The following SYNE2 variants were observed in gnomAD, a reference collection of about 807,000 sequenced individuals.
The protein encoded by SYNE2 is nesprin-2.
A neutral mutation model predicts 856.3 loss-of-function variants in SYNE2; 431 were observed. The observed-to-expected ratio is 0.50, with a 90% confidence interval of 0.47 to 0.55. The LOEUF is 0.55. SYNE2 is among the 20% of genes least tolerant of loss of function. SYNE2 has a pLI of 0.00. For synonymous variants in SYNE2, 2,923 were observed against 2,872.3 expected, an observed-to-expected ratio of 1.02 and a Z score of -0.56; for missense variants, 8,129 against 8,023.2, an observed-to-expected ratio of 1.01 and a Z score of -0.50.
chr14:64,025,248 A>G lies in SYNE2; in HGVS notation c.6079A>G (p.Arg2027Gly), dbSNP rs768814776. ...GATGGATAGATACCAGACATTACTG[A>G]GACAACTAAGTGAAATCGAGGAAGA... ...CLMDRYQTLL[R>G]QLSEIEEEDK... Residue 2027 changes from arginine (R) to glycine (G), a missense_variant, in exon 41 of 116, where the codon AGA becomes GGA. Arg to Gly is a moderately radical substitution (Grantham distance 125). Around this residue, in one of 3 missense-constraint regions of SYNE2, gnomAD observed 2,422 missense variants for 2,357.4 expected, o/e 1.03. Transcript: ENST00000555002. 6.2e-7 allele frequency: 1 copy of G among 1,614,026 alleles called. No individual in the cohort carries two copies. Among genetic ancestry groups the G allele is most frequent in the African/African-American group, 1.3e-5 (1 of 74,942 alleles).
intron 21 of SYNE2, 104 bp downstream of exon 21, chr14:63,991,219 T>C: frequency 8.5e-7 from 1 of 1,172,910 alleles, no homozygotes; most frequent in Non-Finnish European, 1.2e-6. Flanking sequence ...TGAGTTACTG[T>C]AACTTAAAAA....
At chr14:63,848,864 A>C (rs755949023), upstream of SYNE2, among the ~76,000 whole-genome samples, 2 of 152,198 alleles carry the variant, frequency 1.3e-5, no homozygotes, top group Admixed American at 6.5e-5. Flanking sequence ...ACACAGCTCC[A>C]CTGAATCATG....
intron 96 of SYNE2, among the ~76,000 whole-genome samples, chr14:64,182,730 C>T (rs1297467542): frequency 6.6e-6 from 1 of 152,200 alleles, no homozygotes; most frequent in African/African-American, 2.4e-5. Context: ...TAACAGCATC[C>T]CAAGGCAGAA....
chr14:64,161,971 G>T, intron 87 of SYNE2, 101 bp from the exon 88 acceptor site: 1 of 1,258,902 alleles, frequency 7.9e-7, no homozygotes, highest in Non-Finnish European at 1.1e-6. Context: ...TCTTCTTAAT[G>T]ATCCATCTGC....
At position 63,857,083 on chromosome 14, in the gene SYNE2, G is replaced by T. The variant is rs529891339; in HGVS notation, c.-52+3940G>T. The stretch of plus-strand genomic sequence containing the variant: ...CCCTTGGCCTCGTGTTTACATTTGA[G>T]AAGTTTTTGACTTATGTATAGACCT... On this transcript the variant is annotated intron_variant, in intron 1 of 115. Coordinates refer to ENST00000555002, the MANE Select transcript of SYNE2 (RefSeq NM_182914.3). Among the ~76,000 whole-genome samples, 39 of 152,246 alleles carry T rather than the reference G, an allele frequency of 2.6e-4. 1 individual carries two copies. The South Asian group carries it at 7.9e-3, about 31-fold the overall frequency.
chr14:63,775,661 G>A (rs1398259649), intron 1 of SYNE2, among the ~76,000 whole-genome samples: 1 of 151,972 alleles, frequency 6.6e-6, no homozygotes, highest in Admixed American at 6.6e-5. Context: ...GCTCACTGCA[G>A]CCTCAACCTC....
At chr14:63,962,187 C>G (rs1403161566) in intron 9 of SYNE2, among the ~76,000 whole-genome samples, 2 of 151,814 alleles carry the variant, frequency 1.3e-5, no homozygotes, top group Admixed American at 6.6e-5. Flanking sequence ...TCCCAAGTAG[C>G]TGGAATTACA....
chr14:63,806,119 T>C (rs1456351559), intron 1 of SYNE2, among the ~76,000 whole-genome samples: 1 of 152,194 alleles, frequency 6.6e-6, no homozygotes, highest in Admixed American at 6.5e-5. Context: ...TGTGGGTTTG[T>C]CATAGATGGC....
intron 31 of SYNE2, among the ~76,000 whole-genome samples, chr14:64,008,211 A>G (rs963418510): frequency 6.6e-6 from 1 of 152,136 alleles, no homozygotes; most frequent in African/African-American, 2.4e-5. Flanking sequence ...CTCCCTCTCA[A>G]GAGGACCCTT....
At chr14:63,867,437 C>T (rs1480389690) in intron 1 of SYNE2, among the ~76,000 whole-genome samples, 4 of 151,170 alleles carry the variant, frequency 2.6e-5, no homozygotes, top group Non-Finnish European at 1.5e-5. Context: ...GTGGCTCACG[C>T]CTGTAATCCC....
intron 105 of SYNE2, among the ~76,000 whole-genome samples, chr14:64,213,450 C>G (rs145065847): frequency 9.8e-5 from 15 of 152,286 alleles, no homozygotes; most frequent in Middle Eastern, 3.4e-3. Context: ...ACAAGAGTTT[C>G]AAAAGCAACT....
rs748346758 is a variant in SYNE2 at position 64,163,432 on chromosome 14, G to C, written c.16330G>C (p.Glu5444Gln). The C allele has an allele frequency of 1.2e-6, 2 of 1,613,990 alleles. No individual in the cohort carries two copies. Among genetic ancestry groups the C allele is most frequent in the South Asian group, 2.2e-5 (2 of 91,086 alleles). Reference protein sequence around the residue: ...ELQHDVQKTKEAFLQNSSVLD... With the variant: ...ELQHDVQKTKQAFLQNSSVLD... ...GCAGCATGATGTGCAGAAAACAAAAGAAGCCTTTCTCCAAAATTCCAGTGT... is the reference window on the plus strand; with the variant it reads ...GCAGCATGATGTGCAGAAAACAAAACAAGCCTTTCTCCAAAATTCCAGTGT... Residue 5444 changes from glutamate (E) to glutamine (Q), a missense_variant, in exon 89 of 116, where the codon GAA becomes CAA. Glu to Gln is a conservative substitution (Grantham distance 29). This residue lies in a region of SYNE2 where 5,410 missense variants were observed against 5,284.8 expected (regional missense o/e 1.02). Transcript: ENST00000555002.
At chr14:64,072,503 CT>C (rs35527459) in intron 52 of SYNE2, among the ~76,000 whole-genome samples, 103,572 of 143,878 alleles carry the variant, frequency 0.72, 39,192 homozygotes, top group Non-Finnish European at 0.86. Flanking sequence ...TATACTTCTC[CT>C]TTTTTTTTTT....
chr14:64,181,796 A>G (rs1316241421), intron 96 of SYNE2, among the ~76,000 whole-genome samples: 1 of 152,262 alleles, frequency 6.6e-6, no homozygotes, highest in East Asian at 1.9e-4. Flanking sequence ...ACGTTGAGGA[A>G]TGGAATAATT....
At chr14:64,188,983 A>G (rs555269040) in intron 98 of SYNE2, 646 of 702,416 alleles carry the variant, frequency 9.2e-4, no homozygotes, top group Non-Finnish European at 1.5e-3. Flanking sequence ...GGGCTTACAT[A>G]TCCTTACATG....
At chr14:63,812,812 T>C (rs983532503) in intron 1 of SYNE2, among the ~76,000 whole-genome samples, 7 of 152,148 alleles carry the variant, frequency 4.6e-5, no homozygotes, top group Non-Finnish European at 8.8e-5. Context: ...AACTAGCTTC[T>C]AGGTGCAGCA....
chr14:64,085,538 C>T (rs2097554853), intron 57 of SYNE2, among the ~76,000 whole-genome samples: 1 of 152,106 alleles, frequency 6.6e-6, no homozygotes. Flanking sequence ...GAATAAATAC[C>T]TAAAAGTAGG....
At chr14:64,015,229 T>C (rs1218975730) in intron 32 of SYNE2, among the ~76,000 whole-genome samples, 1 of 151,688 alleles carries the variant, frequency 6.6e-6, no homozygotes, top group Non-Finnish European at 1.5e-5. Flanking sequence ...GGAGTGTTTC[T>C]TTCTCTTCAG....
rs1352183254 is a variant in SYNE2, at chr14:64,022,377, A to G, written c.5524+349A>G. Among the ~76,000 whole-genome samples the G allele has an allele frequency of 2.0e-5, 3 of 152,178 alleles. No homozygotes were observed. In the South Asian group the frequency reaches 6.2e-4, roughly 31 times the overall value. ...TGTATGCTTGGACGTTTGGTATAGAAAATACACTACAATTATTTGATGAAT... is the reference window on the plus strand; with the variant it reads ...TGTATGCTTGGACGTTTGGTATAGAGAATACACTACAATTATTTGATGAAT... On this transcript the variant is annotated intron_variant, in intron 37 of 115. Coordinates refer to ENST00000555002, the MANE Select transcript of SYNE2 (RefSeq NM_182914.3).
Sources: allele counts gnomAD v4.1 joint callset (sites outside exome capture counted in the v4.1 genomes callset), GRCh38; gene constraint gnomAD v4.1.1; regional missense constraint gnomAD v4.1.1; transcripts MANE v1.5; gene names NCBI Gene and HGNC (gene_info 2026-07-23, HGNC 2026-07-21).